The following SH3RF1 variants were observed in gnomAD, a reference collection of about 807,000 sequenced individuals.
The protein encoded by SH3RF1 is E3 ubiquitin-protein ligase SH3RF1.
SH3RF1 carries 32 observed loss-of-function variants against 74.0 expected under a neutral mutation model. That is an observed-to-expected ratio of 0.43 (90% CI 0.33 to 0.58). The LOEUF is 0.58. SH3RF1 is among the 20% of genes least tolerant of loss of function. The pLI is 0.05. For missense variants in SH3RF1, 954 were observed against 1,130.9 expected, an observed-to-expected ratio of 0.84 and a Z score of 2.24; for synonymous variants, 396 against 439.6, an observed-to-expected ratio of 0.90 and a Z score of 1.24.
intron 2 of SH3RF1, among the ~76,000 whole-genome samples, chr4:169,236,758 A>T (rs529086987): frequency 6.6e-6 from 1 of 152,220 alleles, no homozygotes; most frequent in Non-Finnish European, 1.5e-5. Context: ...AATCTGAGAC[A>T]TGGATATGTA....
At chr4:169,228,649 T>C (rs556021597) in intron 2 of SH3RF1, among the ~76,000 whole-genome samples, 1 of 152,226 alleles carries the variant, frequency 6.6e-6, no homozygotes, top group Admixed American at 6.5e-5. Flanking sequence ...CCTTAACTCT[T>C]TGCCATGTAA....
At chr4:169,141,674 G>C (rs1733788942) in intron 4 of SH3RF1, among the ~76,000 whole-genome samples, 1 of 145,808 alleles carries the variant, frequency 6.9e-6, no homozygotes, top group Non-Finnish European at 1.5e-5. Context: ...GTCTCCCTCT[G>C]TCATTGAGGC....
chr4:169,120,395 C>G (rs1489102493), intron 8 of SH3RF1, among the ~76,000 whole-genome samples: 1 of 152,208 alleles, frequency 6.6e-6, no homozygotes, highest in African/African-American at 2.4e-5. Flanking sequence ...CTCAATGTAA[C>G]AGCAACTAAG....
At chr4:169,224,506 C>T (rs545803590) in intron 2 of SH3RF1, among the ~76,000 whole-genome samples, 220 of 152,102 alleles carry the variant, frequency 1.4e-3, no homozygotes, top group Middle Eastern at 3.4e-3. Flanking sequence ...TTAGTAGAGA[C>T]GGGGTTTTGC....
intron 2 of SH3RF1, chr4:169,166,148 T>G (rs993595537): frequency 2.0e-5 from 3 of 151,310 alleles, no homozygotes; most frequent in Non-Finnish European, 4.4e-5. Flanking sequence ...AAAATAAAAA[T>G]GTAAACCACA....
intron 4 of SH3RF1, among the ~76,000 whole-genome samples, chr4:169,147,832 C>T (rs902981850): frequency 5.9e-5 from 9 of 151,964 alleles, no homozygotes; most frequent in Non-Finnish European, 1.3e-4. Context: ...TTCATTCAGT[C>T]TTTTTTACAC....
chr4:169,165,753 A>C (rs1172601257), intron 2 of SH3RF1, among the ~76,000 whole-genome samples: 2 of 152,232 alleles, frequency 1.3e-5, no homozygotes. Flanking sequence ...ACATAAGGTT[A>C]AATGTAAAAG....
chr4:169,201,811 A>G (rs2126990605), intron 2 of SH3RF1: 1 of 152,330 alleles, frequency 6.6e-6, no homozygotes, highest in South Asian at 2.1e-4. Flanking sequence ...TTACTATTAA[A>G]AATCCTGGGG....
At chr4:169,207,669 G>A (rs554248783) in intron 2 of SH3RF1, among the ~76,000 whole-genome samples, 29 of 152,266 alleles carry the variant, frequency 1.9e-4, no homozygotes, top group Admixed American at 1.4e-3. Flanking sequence ...TGGATGCTTC[G>A]AGCTTTGCTA....
chr4:169,095,211 T>C lies in SH3RF1; in HGVS notation c.*1308A>G, dbSNP rs1732895171. 6.5e-6 allele frequency: 1 copy of C among 152,674 alleles called. No individual in the cohort carries two copies. The highest frequency in any genetic ancestry group is 2.1e-4 in the South Asian group (1 of 4,836). The allele number at this position is 152,674 out of a possible 1,614,324, so 9.5% of individuals were successfully genotyped here. On this transcript the variant is annotated 3_prime_UTR_variant, in exon 12 of 12. Transcript: ENST00000284637. ...AGTCTCCTGGTTAACTCATCCTTGA[T>C]GTCTGTCTGCTGGGAGGACATAAAA...
chr4:169,166,122 C>T (rs2126970284), intron 2 of SH3RF1: 1 of 151,592 alleles, frequency 6.6e-6, no homozygotes, highest in Non-Finnish European at 1.5e-5. Context: ...GGTTCAACAA[C>T]AAAAGACACA....
At chr4:169,217,992 A>G (rs12499905) in intron 2 of SH3RF1, among the ~76,000 whole-genome samples, 72,688 of 151,502 alleles carry the variant, frequency 0.48, 18,412 homozygotes, top group East Asian at 0.78. Flanking sequence ...ATTCTTTTAG[A>G]TTGAACTTCC....
intron 2 of SH3RF1, among the ~76,000 whole-genome samples, chr4:169,175,192 C>T (rs1293396779): frequency 6.6e-6 from 1 of 152,202 alleles, no homozygotes; most frequent in Non-Finnish European, 1.5e-5. Context: ...AGTCAGTCCA[C>T]TTCTGACAAT....
intron 10 of SH3RF1, among the ~76,000 whole-genome samples, chr4:169,114,331 C>T (rs916577397): frequency 1.3e-4 from 20 of 152,096 alleles, no homozygotes; most frequent in African/African-American, 4.8e-4. Flanking sequence ...CCTTCTCTGG[C>T]CCTAAGCTTC....
At chr4:169,207,354 G>A (rs1730278778) in intron 2 of SH3RF1, among the ~76,000 whole-genome samples, 1 of 152,268 alleles carries the variant, frequency 6.6e-6, no homozygotes, top group South Asian at 2.1e-4. Flanking sequence ...TTGAGCCCAA[G>A]AGTTTAAGGT....
At chr4:169,262,381 CTT>C (rs1731293646) in intron 2 of SH3RF1, among the ~76,000 whole-genome samples, 2 of 152,104 alleles carry the variant, frequency 1.3e-5, no homozygotes, top group Admixed American at 1.3e-4. Context: ...AATGATAACA[CTT>C]AGGCTGGGTG....
At chr4:169,156,737 A>G (rs1434463055) in intron 2 of SH3RF1, 58 bp from the exon 3 acceptor site, 16 of 1,466,742 alleles carry the variant, frequency 1.1e-5, no homozygotes, top group Admixed American at 2.2e-5. Context: ...AATGTCTCTG[A>G]AAATACAACT....
intron 2 of SH3RF1, among the ~76,000 whole-genome samples, chr4:169,237,728 A>G (rs1730842227): frequency 6.6e-6 from 1 of 152,214 alleles, no homozygotes; most frequent in Admixed American, 6.5e-5. Context: ...AAGACAGTAA[A>G]GATGAATACA....
intron 4 of SH3RF1, among the ~76,000 whole-genome samples, chr4:169,138,180 A>G (rs1322169039): frequency 6.6e-6 from 1 of 152,202 alleles, no homozygotes; most frequent in Non-Finnish European, 1.5e-5. Context: ...TGGTCTAGCT[A>G]TCCCACCTTG....
Sources: gnomAD v4.1 joint callset for allele counts (sites outside exome capture counted in the v4.1 genomes callset) on GRCh38, gnomAD v4.1.1 for gene constraint, MANE v1.5 for transcripts, NCBI Gene and HGNC (gene_info 2026-07-23, HGNC 2026-07-21) for gene names.